NT5DC1: variants seen among roughly 807,000 people sequenced by gnomAD.
The protein encoded by NT5DC1 is 5'-nucleotidase domain-containing protein 1.
A neutral mutation model predicts 59.4 loss-of-function variants in NT5DC1; 42 were observed. That is an observed-to-expected ratio of 0.71 (90% CI 0.55 to 0.92). The LOEUF (loss-of-function observed/expected upper bound fraction) is 0.92. NT5DC1 is among the 40% of genes least tolerant of loss of function. The pLI is 0.00. For missense variants in NT5DC1, 501 were observed against 537.1 expected (o/e 0.93, Z 0.66); for synonymous variants, 172 against 188.1 (o/e 0.91, Z 0.70).
intron 6 of NT5DC1, among the ~76,000 whole-genome samples, chr6:116,133,206 A>C (rs1188324258): frequency 6.6e-6 from 1 of 152,106 alleles, no homozygotes; most frequent in Non-Finnish European, 1.5e-5. Context: ...AAAATATAGA[A>C]TGTCTTGGCC....
chr6:116,197,026 C>G (rs1781243367), intron 6 of NT5DC1, among the ~76,000 whole-genome samples: 1 of 151,668 alleles, frequency 6.6e-6, no homozygotes, highest in African/African-American at 2.4e-5. Context: ...GCTCCTCATT[C>G]TTCTACAGCT....
intron 6 of NT5DC1, among the ~76,000 whole-genome samples, chr6:116,123,467 C>T (rs1779198485): frequency 6.6e-6 from 1 of 152,254 alleles, no homozygotes; most frequent in African/African-American, 2.4e-5. Context: ...TTAAATGCCA[C>T]AAACTGAAAT....
At chr6:116,107,431 C>G (rs1778786314) in intron 2 of NT5DC1, among the ~76,000 whole-genome samples, 1 of 151,340 alleles carries the variant, frequency 6.6e-6, no homozygotes, top group African/African-American at 2.4e-5. Flanking sequence ...TACCACTTTG[C>G]TTTTATTATT....
chr6:116,132,081 G>A (rs1164021851), intron 6 of NT5DC1, among the ~76,000 whole-genome samples: 2 of 152,056 alleles, frequency 1.3e-5, no homozygotes, highest in Admixed American at 6.6e-5. Context: ...ATCATTGATG[G>A]GTATTTAGGT....
chr6:116,234,192 C>T (rs966535078), intron 8 of NT5DC1, among the ~76,000 whole-genome samples: 52 of 151,564 alleles, frequency 3.4e-4, no homozygotes, highest in South Asian at 8.4e-4. Flanking sequence ...GAACTCCTGA[C>T]CTCGTGATCC....
intron 6 of NT5DC1, among the ~76,000 whole-genome samples, chr6:116,144,115 C>T (rs544233254): frequency 6.6e-6 from 1 of 152,192 alleles, no homozygotes; most frequent in African/African-American, 2.4e-5. Context: ...GGGTATTCTG[C>T]AGTCAGATAT....
intron 11 of NT5DC1, among the ~76,000 whole-genome samples, chr6:116,240,463 T>A (rs1771684113): frequency 6.6e-6 from 1 of 152,216 alleles, no homozygotes; most frequent in Admixed American, 6.5e-5. Flanking sequence ...TATGCCATTT[T>A]CTGACTTGAG....
intron 6 of NT5DC1, among the ~76,000 whole-genome samples, chr6:116,199,210 A>G (rs1408540993): frequency 3.3e-5 from 5 of 152,096 alleles, no homozygotes; most frequent in Non-Finnish European, 7.4e-5. Flanking sequence ...TTCTAGATAG[A>G]CAAGAGAGTT....
chr6:116,190,651 G>GTTC (rs1562157829), intron 6 of NT5DC1, among the ~76,000 whole-genome samples: 1 of 152,028 alleles, frequency 6.6e-6, no homozygotes, highest in Non-Finnish European at 1.5e-5. Context: ...TGCTTTATTG[G>GTTC]ATCGTCAATA....
chr6:116,224,494 G>T (rs1385807134), intron 8 of NT5DC1, among the ~76,000 whole-genome samples: 1 of 152,232 alleles, frequency 6.6e-6, no homozygotes, highest in Non-Finnish European at 1.5e-5. Context: ...ATATGGGGCA[G>T]GCCTCCTTAG....
At chr6:116,197,522 G>A (rs939909226) in intron 6 of NT5DC1, among the ~76,000 whole-genome samples, 3 of 151,972 alleles carry the variant, frequency 2.0e-5, no homozygotes, top group Non-Finnish European at 2.9e-5. Context: ...CAAACAGCCA[G>A]GTACAGCGGT....
At chr6:116,238,897 A>T (rs1782174575) in intron 10 of NT5DC1, 58 bp from the exon 11 acceptor site, 1 of 1,118,884 alleles carries the variant, frequency 8.9e-7, no homozygotes, top group African/African-American at 1.6e-5. Flanking sequence ...AGACAAAAAA[A>T]TTATGAGATT....
Sources: gnomAD v4.1 joint callset for allele counts (sites outside exome capture counted in the v4.1 genomes callset) on GRCh38, gnomAD v4.1.1 for gene constraint, MANE v1.5 for transcripts, NCBI Gene and HGNC (gene_info 2026-07-23, HGNC 2026-07-21) for gene names.